The following GABRG3 variants were observed in gnomAD, a reference collection of about 807,000 sequenced individuals.
GABRG3 encodes gamma-aminobutyric acid receptor subunit gamma-3.
A neutral mutation model predicts 48.8 loss-of-function variants in GABRG3; 25 were observed. That is an observed-to-expected ratio of 0.51 (90% CI 0.37 to 0.72). The LOEUF (loss-of-function observed/expected upper bound fraction) is 0.72. Ranked by LOEUF, GABRG3 falls within the 30% of genes least tolerant of loss-of-function variation. GABRG3 has a pLI of 0.00. For synonymous variants in GABRG3, 227 were observed against 217.6 expected (o/e 1.04, Z -0.38); for missense variants, 394 against 577.9 (o/e 0.68, Z 3.26).
intron 3 of GABRG3, among the ~76,000 whole-genome samples, chr15:27,266,961 C>A (rs1890939843): frequency 6.6e-6 from 1 of 152,038 alleles, no homozygotes; most frequent in Non-Finnish European, 1.5e-5. Context: ...CTTCTTCCTG[C>A]CCAATCTATA....
intron 3 of GABRG3, among the ~76,000 whole-genome samples, chr15:27,221,599 T>C (rs562820105): frequency 2.2e-4 from 33 of 152,234 alleles, no homozygotes; most frequent in African/African-American, 7.5e-4. Context: ...GCTGGGGGGC[T>C]CCCATGGCTT....
Position 27,218,328 on chromosome 15 carries a change from G to A in GABRG3, c.271-108481G>A, listed in dbSNP as rs149277672. Among the ~76,000 whole-genome samples, 670 of 152,256 alleles carry A rather than the reference G, an allele frequency of 4.4e-3. 6 individuals carry two copies. Among genetic ancestry groups the A allele is most frequent in the African/African-American group, 0.015 (634 of 41,540 alleles). On this transcript the variant is annotated intron_variant, in intron 3 of 9. Coordinates refer to ENST00000615808, the MANE Select transcript of GABRG3 (RefSeq NM_033223.5). ...CAACGTTCTGTCTTATTCGTGGCAG[G>A]AAACTCCCTTAAGAGGGGTTTTATG...
chr15:27,091,113 A>C (rs1054900208), intron 3 of GABRG3, among the ~76,000 whole-genome samples: 11 of 152,208 alleles, frequency 7.2e-5, no homozygotes, highest in African/African-American at 2.7e-4. Flanking sequence ...ATTGAGCATG[A>C]TGTCAGCTGC....
chr15:27,476,718 G>A (rs2150842941), intron 5 of GABRG3, among the ~76,000 whole-genome samples: 1 of 152,156 alleles, frequency 6.6e-6, no homozygotes, highest in African/African-American at 2.4e-5. Context: ...ACACATAATG[G>A]GAATCTCAGA....
At chr15:27,425,214 C>T (rs67606083) in intron 5 of GABRG3, among the ~76,000 whole-genome samples, 35,072 of 151,920 alleles carry the variant, frequency 0.23, 5,618 homozygotes, top group African/African-American at 0.43. Context: ...CCTGGGCTGA[C>T]TGTAGTCTGC....
chr15:27,111,279 T>G (rs1464929372), intron 3 of GABRG3, among the ~76,000 whole-genome samples: 1 of 152,232 alleles, frequency 6.6e-6, no homozygotes, highest in Non-Finnish European at 1.5e-5. Flanking sequence ...CTTCCTTTGC[T>G]CTTGCATGTC....
chr15:27,398,666 G>GCGCACACACACA (rs56278943), intron 5 of GABRG3, among the ~76,000 whole-genome samples: 3 of 147,222 alleles, frequency 2.0e-5, no homozygotes, highest in South Asian at 2.2e-4. Context: ...ACAAGCGCGC[G>GCGCACACACACA]CACACACACA....
chr15:27,522,880 C>T (rs1891191292), intron 7 of GABRG3, among the ~76,000 whole-genome samples: 1 of 151,828 alleles, frequency 6.6e-6, no homozygotes, highest in East Asian at 1.9e-4. Context: ...CTTCTATCAG[C>T]AGTGTACACA....
intron 3 of GABRG3, among the ~76,000 whole-genome samples, chr15:27,115,117 T>G (rs1740820470): frequency 6.6e-6 from 1 of 152,168 alleles, no homozygotes; most frequent in South Asian, 2.1e-4. Context: ...CTGTAATTTT[T>G]TTTTTTGTAA....
Position 27,114,796 on chromosome 15 carries a change from T to C in GABRG3, c.270+87975T>C, listed in dbSNP as rs143915756. On this transcript the variant is annotated intron_variant, in intron 3 of 9. Transcript: ENST00000615808. ...AGAGAATGCTTACCCAAAGGAGTTATCATTCTTTTTTTTTTTCATTAAACC... is the reference window on the plus strand; with the variant it reads ...AGAGAATGCTTACCCAAAGGAGTTACCATTCTTTTTTTTTTTCATTAAACC... 4.5e-3 allele frequency among the ~76,000 whole-genome samples: 688 copies of C among 151,812 alleles called. 5 individuals are homozygous for C. Among genetic ancestry groups the C allele is most frequent in the African/African-American group, 0.016 (644 of 41,218 alleles).
intron 3 of GABRG3, among the ~76,000 whole-genome samples, chr15:27,170,723 T>C (rs2140410475): frequency 6.6e-6 from 1 of 152,298 alleles, no homozygotes; most frequent in Admixed American, 6.5e-5. Flanking sequence ...TGGAGGTGTG[T>C]TCCATGGACC....
At chr15:27,519,649 C>A (rs1891111553) in intron 6 of GABRG3, among the ~76,000 whole-genome samples, 1 of 152,170 alleles carries the variant, frequency 6.6e-6, no homozygotes, top group Admixed American at 6.5e-5. Context: ...TTTAATTGTA[C>A]AACCTATGGA....
intron 3 of GABRG3, among the ~76,000 whole-genome samples, chr15:27,188,629 C>G (rs1888183445): frequency 6.6e-6 from 1 of 151,166 alleles, no homozygotes; most frequent in South Asian, 2.1e-4. Flanking sequence ...GGATATTAGC[C>G]CTTTGTCAGA....
intron 2 of GABRG3, among the ~76,000 whole-genome samples, chr15:27,001,420 C>T (rs113733793): frequency 0.01 from 1,587 of 152,312 alleles, 26 homozygotes; most frequent in African/African-American, 0.036. Context: ...TTAGGTGTGT[C>T]CAACCCAGCT....
intron 5 of GABRG3, among the ~76,000 whole-genome samples, chr15:27,407,403 A>T (rs1362815486): frequency 6.6e-6 from 1 of 152,216 alleles, no homozygotes; most frequent in Non-Finnish European, 1.5e-5. Context: ...ACAGTTTGGC[A>T]GCTTCTTACA....
At chr15:27,529,708 G>A (rs1433453254) in intron 9 of GABRG3, among the ~76,000 whole-genome samples, 2 of 152,032 alleles carry the variant, frequency 1.3e-5, no homozygotes, top group Admixed American at 6.6e-5. Flanking sequence ...TCCAAGTGGC[G>A]TGGGACCAAA....
intron 3 of GABRG3, among the ~76,000 whole-genome samples, chr15:27,054,034 G>A (rs942064460): frequency 6.6e-6 from 1 of 152,098 alleles, no homozygotes; most frequent in Non-Finnish European, 1.5e-5. Context: ...AAGGCAGGTG[G>A]ATCACCTGAG....
chr15:27,061,290 C>T (rs1896639917), intron 3 of GABRG3, among the ~76,000 whole-genome samples: 1 of 152,118 alleles, frequency 6.6e-6, no homozygotes, highest in Admixed American at 6.5e-5. Flanking sequence ...ATCACTCGAA[C>T]GAGGATGCCC....
intron 3 of GABRG3, among the ~76,000 whole-genome samples, chr15:27,065,346 T>A (rs1478960207): frequency 6.6e-6 from 1 of 152,246 alleles, no homozygotes; most frequent in East Asian, 1.9e-4. Context: ...GTCATCTTTA[T>A]GTCTAAAAAC....
Sources: allele counts gnomAD v4.1 joint callset (sites outside exome capture counted in the v4.1 genomes callset), GRCh38; gene constraint gnomAD v4.1.1; transcripts MANE v1.5; gene names NCBI Gene and HGNC (gene_info 2026-07-23, HGNC 2026-07-21).